Variants in ECHDC2 observed in about 807,000 individuals in gnomAD.
ECHDC2 encodes enoyl-CoA hydratase domain-containing protein 2, mitochondrial.
ECHDC2 carries 34 observed loss-of-function variants against 40.6 expected under a neutral mutation model. The ratio of observed to expected loss-of-function variants is 0.84; its 90% CI spans 0.64 to 1.11. ECHDC2 has a LOEUF of 1.11. ECHDC2 is among the 50% of genes most tolerant of loss of function. The probability of loss-of-function intolerance (pLI) is 0.00; values close to 1 mark genes in which losing one functional copy is unlikely to be tolerated. For missense variants in ECHDC2, 392 were observed against 400.7 expected (o/e 0.98, Z 0.19); for synonymous variants, 162 against 166.6 (o/e 0.97, Z 0.21).
chr1:52,904,960 C>G (rs1647370380), intron 6 of ECHDC2, 74 bp downstream of exon 6: 2 of 1,605,026 alleles, frequency 1.2e-6, no homozygotes, highest in South Asian at 1.1e-5. Flanking sequence ...GAGCCCAGAA[C>G]AGAGGGCAAA....
chr1:52,921,633 A>T lies in ECHDC2; in HGVS notation c.41T>A (p.Leu14His). ...GTCGGAAGCGCAGCCGCGGGCCCGA[A>T]GGGGCCTCCAGGGGCGCAGGAGGCA... ...VLCLLRPWRPLRARGCASDGA... is the reference protein window; with the variant it reads ...VLCLLRPWRPHRARGCASDGA... The change falls in exon 1 of 10, where the codon CTT (leucine) becomes CAT (histidine). Residue 14 changes from leucine to histidine, a missense_variant. Leu to His is a moderately conservative substitution (Grantham distance 99). Coordinates refer to ENST00000371522, the MANE Select transcript of ECHDC2 (RefSeq NM_001198961.2). The T allele has an allele frequency of 6.3e-7, 1 of 1,586,250 alleles. No individual in the cohort carries two copies. Among genetic ancestry groups the T allele is most frequent in the Non-Finnish European group, 8.6e-7 (1 of 1,167,656 alleles).
At position 52,903,482 on chromosome 1, in the gene ECHDC2, C is replaced by T. The variant is rs555843238; in HGVS notation, c.702+1164G>A. Among the ~76,000 whole-genome samples, 3 of 151,834 alleles carry T rather than the reference C, an allele frequency of 2.0e-5. No individual in the cohort carries two copies. In the South Asian group the frequency reaches 6.3e-4, roughly 32 times the overall value. On this transcript the variant is annotated intron_variant, in intron 7 of 9. Transcript: ENST00000371522. Reference sequence around the variant, plus strand: ...GTTTGTTTTTAGCAACGGGATTTTGCTTTGTTGCCCAGGCTGGAAGTGCAG... The same window carrying T: ...GTTTGTTTTTAGCAACGGGATTTTGTTTTGTTGCCCAGGCTGGAAGTGCAG...
Position 52,904,719 on chromosome 1 carries a change from G to GCCCCAGTA in ECHDC2, c.628_629insTACTGGGG (p.Ala210ValfsTer38). The GCCCCAGTA allele has an allele frequency of 6.2e-7, 1 of 1,612,790 alleles. No individual in the cohort carries two copies. The highest frequency in any genetic ancestry group is 8.5e-7 in the Non-Finnish European group (1 of 1,179,962). ...GTCCCCCTCCTCGTTCTGGGCCACA[G>GCCCCAGTA]CGTGATTCACCAGCCCCAGTACGTG... On this transcript the variant is annotated frameshift_variant, in exon 7 of 10. Transcript: ENST00000371522. LOFTEE classifies it high-confidence loss of function.
chr1:52,903,017 T>C (rs1338265158), intron 7 of ECHDC2, among the ~76,000 whole-genome samples: 3 of 152,188 alleles, frequency 2.0e-5, no homozygotes, highest in African/African-American at 7.2e-5. Context: ...TTTTAATCTT[T>C]ATGGAAATTT....
At chr1:52,908,009 C>T (rs998773066) in intron 3 of ECHDC2, 55 bp from the exon 4 acceptor site, 1 of 1,549,120 alleles carries the variant, frequency 6.5e-7, no homozygotes, top group Non-Finnish European at 8.9e-7. Context: ...TTTACGGAAT[C>T]CCAGGCGGTT....
intron 8 of ECHDC2, 74 bp downstream of exon 8, chr1:52,899,100 T>G: frequency 2.0e-6 from 3 of 1,470,200 alleles, no homozygotes; most frequent in Non-Finnish European, 2.9e-6. Context: ...CTGTGCTGTC[T>G]GAGCTCTGAA....
At chr1:52,921,441 A>G in intron 1 of ECHDC2, 112 bp downstream of exon 1, 1 of 1,444,552 alleles carries the variant, frequency 6.9e-7, no homozygotes, top group Non-Finnish European at 9.1e-7. Flanking sequence ...ACTGGGAGGG[A>G]GGGACTGGGG....
intron 3 of ECHDC2, among the ~76,000 whole-genome samples, chr1:52,910,060 T>G (rs1649010180): frequency 6.6e-6 from 1 of 152,116 alleles, no homozygotes; most frequent in Non-Finnish European, 1.5e-5. Flanking sequence ...TTAAGTAAAA[T>G]AAGCCAGGCA....
rs1649094598 is a variant in ECHDC2, at chr1:52,910,352, G to GCTTTTTTTTTTTTTT, written c.277+1213_277+1214insAAAAAAAAAAAAAAG. Among the ~76,000 whole-genome samples, 6 of 32,062 alleles carry GCTTTTTTTTTTTTTT rather than the reference G, an allele frequency of 1.9e-4. 1 individual carries two copies. The highest frequency in any genetic ancestry group is 6.5e-4 in the African/African-American group (6 of 9,206). The allele number at this position is 32,062 out of a possible 152,430, so 21.0% of individuals were successfully genotyped here. Reference sequence around the variant, plus strand: ...GTTACTTATATTTCACCACAATTTCGTTTTTTTTTTTTTTTTTTTTTTTTT... The same window carrying GCTTTTTTTTTTTTTT: ...GTTACTTATATTTCACCACAATTTCGCTTTTTTTTTTTTTTTTTTTTTTTTTTTTTTTTTTTTTTT... On this transcript the variant is annotated intron_variant, in intron 3 of 9. Coordinates refer to ENST00000371522, the MANE Select transcript of ECHDC2 (RefSeq NM_001198961.2).
At chr1:52,916,468 T>C (rs150721295) in intron 1 of ECHDC2, among the ~76,000 whole-genome samples, 1 of 152,328 alleles carries the variant, frequency 6.6e-6, no homozygotes, top group African/African-American at 2.4e-5. Context: ...ACTTTACCCT[T>C]CTGGCCTTCA....
intron 8 of ECHDC2, 73 bp from the exon 9 acceptor site, chr1:52,897,557 C>T: frequency 7.0e-7 from 1 of 1,425,830 alleles, no homozygotes; most frequent in Non-Finnish European, 9.9e-7. Flanking sequence ...CCAGCCCACC[C>T]TATTGCCTAC....
intron 1 of ECHDC2, among the ~76,000 whole-genome samples, chr1:52,916,344 C>T (rs960187345): frequency 2.0e-5 from 3 of 152,120 alleles, no homozygotes; most frequent in African/African-American, 7.2e-5. Flanking sequence ...CTTTCAGCTT[C>T]ATCTCCTGTC....
intron 7 of ECHDC2, chr1:52,901,816 A>AATT (rs941933657): frequency 1.3e-5 from 2 of 152,158 alleles, no homozygotes; most frequent in African/African-American, 4.8e-5. Context: ...TGGAAATCTG[A>AATT]ATTATTTTGT....
intron 1 of ECHDC2, among the ~76,000 whole-genome samples, chr1:52,918,354 T>A (rs1413949437): frequency 1.4e-5 from 2 of 145,158 alleles, no homozygotes; most frequent in African/African-American, 5.5e-5. Context: ...GTACTCCTAC[T>A]TATTAAAAAA....
upstream of ECHDC2, chr1:52,921,767 C>A (rs987542904): frequency 5.9e-5 from 83 of 1,418,202 alleles, no homozygotes; most frequent in Non-Finnish European, 7.4e-5. Flanking sequence ...GCGAAGCCTT[C>A]GCCAATTGCT....
chr1:52,908,030 G>T, intron 3 of ECHDC2, 76 bp from the exon 4 acceptor site: 1 of 1,382,310 alleles, frequency 7.2e-7, no homozygotes, highest in Non-Finnish European at 1.0e-6. Flanking sequence ...AAAGGATCCA[G>T]CAAAGAAGAC....
rs113532438 is a variant in ECHDC2, at chr1:52,905,643, A to AC, written c.458-554dup. The AC allele has an allele frequency of 5.1e-3, 794 of 156,614 alleles. 8 individuals carry two copies. Among genetic ancestry groups the AC allele is most frequent in the African/African-American group, 0.019 (768 of 41,228 alleles). 9.7% of individuals were successfully genotyped at this position (156,614 alleles called of 1,614,324 possible). ...TCGAGAAACTTGCCTTGACTGACGC[A>AC]CCCCCCCGGGTCTGTCTCCTTTTCT... On this transcript the variant is annotated intron_variant, in intron 5 of 9. Transcript: ENST00000371522.
chr1:52,918,331 G>A lies in ECHDC2; in HGVS notation c.121+3222C>T, dbSNP rs80115178. On this transcript the variant is annotated intron_variant, in intron 1 of 9. Transcript: ENST00000371522. ...TGAGCCAGGTGAGCCACTGTACCTGGCCTGGGCCGTGTGTACTCCTACTTA... is the reference window on the plus strand; with the variant it reads ...TGAGCCAGGTGAGCCACTGTACCTGACCTGGGCCGTGTGTACTCCTACTTA... 2.6e-3 allele frequency among the ~76,000 whole-genome samples: 387 copies of A among 150,710 alleles called. 1 individual carries two copies. The highest frequency in any genetic ancestry group is 6.6e-3 in the African/African-American group (268 of 40,632).
At chr1:52,916,805 T>C (rs1052157246) in intron 1 of ECHDC2, among the ~76,000 whole-genome samples, 1 of 152,200 alleles carries the variant, frequency 6.6e-6, no homozygotes, top group African/African-American at 2.4e-5. Flanking sequence ...ACAGCGGGGA[T>C]GGGGCTGTGC....
Sources: gnomAD v4.1 joint callset for allele counts (sites outside exome capture counted in the v4.1 genomes callset) on GRCh38, gnomAD v4.1.1 for gene constraint, MANE v1.5 for transcripts, NCBI Gene and HGNC (gene_info 2026-07-23, HGNC 2026-07-21) for gene names.